Variants in LINGO2 observed in about 807,000 individuals in gnomAD.
LINGO2 encodes leucine rich repeat and Ig domain containing 2.
Under a neutral mutation model 30.6 loss-of-function variants are expected in LINGO2, and 14 were observed. That is an observed-to-expected ratio of 0.46 (90% confidence interval 0.30 to 0.72). The LOEUF (loss-of-function observed/expected upper bound fraction) is 0.72, where lower values mean the gene tolerates loss of function less well. LINGO2 is among the 30% of genes least tolerant of loss of function. The pLI is 0.07. For synonymous variants in LINGO2, 317 were observed against 288.5 expected (o/e 1.10, Z -1.00); for missense variants, 729 against 751.7 (o/e 0.97, Z 0.35).
chr9:27,964,434 C>A (rs2118637249), intron 5 of LINGO2, among the ~76,000 whole-genome samples: 1 of 152,022 alleles, frequency 6.6e-6, no homozygotes, highest in Non-Finnish European at 1.5e-5. Flanking sequence ...TATATGCTGG[C>A]AATTATTATA....
intron 3 of LINGO2, among the ~76,000 whole-genome samples, chr9:28,354,695 G>T (rs935490922): frequency 6.6e-6 from 1 of 152,044 alleles, no homozygotes; most frequent in Non-Finnish European, 1.5e-5. Flanking sequence ...TTGACCAATA[G>T]AAAACAAGTT....
the LINGO2 span, among the ~76,000 whole-genome samples, chr9:29,043,419 T>A: frequency 6.6e-6 from 1 of 151,994 alleles, no homozygotes; most frequent in East Asian, 1.9e-4. Context: ...ATTTTAAGAA[T>A]CTTATAAAAA....
At chr9:28,391,402 G>A (rs1821823502) in intron 2 of LINGO2, among the ~76,000 whole-genome samples, 1 of 152,130 alleles carries the variant, frequency 6.6e-6, no homozygotes, top group Non-Finnish European at 1.5e-5. Flanking sequence ...TATAAACTCA[G>A]GTGTGCTCTT....
At chr9:28,978,119 A>G in the LINGO2 span, among the ~76,000 whole-genome samples, 48 of 152,320 alleles carry the variant, frequency 3.2e-4, no homozygotes, top group Admixed American at 2.3e-3. Context: ...CATTTCCACT[A>G]TATATGTGAA....
intron 3 of LINGO2, among the ~76,000 whole-genome samples, chr9:28,339,418 T>C (rs1370629852): frequency 6.6e-6 from 1 of 152,148 alleles, no homozygotes; most frequent in Non-Finnish European, 1.5e-5. Flanking sequence ...GGACTTACCA[T>C]ATAGATTGTT....
At chr9:28,208,831 C>A (rs1028542677) in intron 4 of LINGO2, among the ~76,000 whole-genome samples, 1 of 152,058 alleles carries the variant, frequency 6.6e-6, no homozygotes, top group East Asian at 1.9e-4. Flanking sequence ...CATGCTTCAT[C>A]TTCTGCAGGC....
At chr9:28,964,910 T>G in the LINGO2 span, among the ~76,000 whole-genome samples, 10 of 152,096 alleles carry the variant, frequency 6.6e-5, no homozygotes, top group Non-Finnish European at 1.0e-4. Context: ...AAATATTTCC[T>G]GTGCAGTTTC....
the LINGO2 span, among the ~76,000 whole-genome samples, chr9:28,901,959 G>GC: frequency 6.6e-6 from 1 of 152,116 alleles, no homozygotes; most frequent in African/African-American, 2.4e-5. Context: ...GGAGGCCAAA[G>GC]CAGGAGGATC....
At chr9:28,298,619 G>A (rs1335747696) in intron 3 of LINGO2, among the ~76,000 whole-genome samples, 1 of 151,276 alleles carries the variant, frequency 6.6e-6, no homozygotes, top group Non-Finnish European at 1.5e-5. Context: ...GGAGGCAGAG[G>A]TTGTGGTGAG....
chr9:29,124,071 C>A, the LINGO2 span, among the ~76,000 whole-genome samples: 1 of 152,048 alleles, frequency 6.6e-6, no homozygotes, highest in Middle Eastern at 3.4e-3. Flanking sequence ...ATATATAGAC[C>A]AATGGAACAC....
At chr9:28,301,472 A>C (rs1038571406) in intron 3 of LINGO2, among the ~76,000 whole-genome samples, 1 of 152,150 alleles carries the variant, frequency 6.6e-6, no homozygotes, top group African/African-American at 2.4e-5. Context: ...GTTGTTGATA[A>C]TGTGGGTTCT....
At chr9:28,542,323 C>T (rs763571595) in intron 1 of LINGO2, among the ~76,000 whole-genome samples, 1 of 151,938 alleles carries the variant, frequency 6.6e-6, no homozygotes, top group African/African-American at 2.4e-5. Context: ...CTCCCTGCAG[C>T]TGGACATCAA....
chr9:29,062,257 C>T, the LINGO2 span, among the ~76,000 whole-genome samples: 23 of 152,006 alleles, frequency 1.5e-4, no homozygotes, highest in African/African-American at 5.3e-4. Context: ...AATGGTACAG[C>T]CATTATGGAA....
At chr9:28,391,966 T>G (rs1480488936) in intron 2 of LINGO2, among the ~76,000 whole-genome samples, 2 of 152,152 alleles carry the variant, frequency 1.3e-5, no homozygotes, top group Non-Finnish European at 2.9e-5. Context: ...CTCAGCACTT[T>G]GGGAGGCCAA....
At chr9:28,944,861 C>T in the LINGO2 span, among the ~76,000 whole-genome samples, 1 of 152,016 alleles carries the variant, frequency 6.6e-6, no homozygotes, top group Non-Finnish European at 1.5e-5. Context: ...TACCTGTGTG[C>T]AGAAGATACC....
the LINGO2 span, among the ~76,000 whole-genome samples, chr9:28,780,478 C>G: frequency 6.6e-6 from 1 of 152,092 alleles, no homozygotes; most frequent in Non-Finnish European, 1.5e-5. Flanking sequence ...CTACTCCCCA[C>G]AACCACAACT....
chr9:28,146,606 T>C (rs1353231310), intron 4 of LINGO2, among the ~76,000 whole-genome samples: 1 of 152,112 alleles, frequency 6.6e-6, no homozygotes, highest in African/African-American at 2.4e-5. Context: ...TCTTTGAATA[T>C]AGATGGTTTC....
the LINGO2 span, among the ~76,000 whole-genome samples, chr9:29,127,109 T>C: frequency 6.6e-6 from 1 of 152,038 alleles, no homozygotes; most frequent in Non-Finnish European, 1.5e-5. Flanking sequence ...TTACATAGGG[T>C]ATAACCAAGT....
intron 5 of LINGO2, among the ~76,000 whole-genome samples, chr9:28,011,046 C>A (rs1822527992): frequency 1.3e-5 from 2 of 152,022 alleles, no homozygotes; most frequent in Non-Finnish European, 2.9e-5. Flanking sequence ...CAATTAGGTA[C>A]AATAACATAT....
Sources: allele counts gnomAD v4.1 joint callset (sites outside exome capture counted in the v4.1 genomes callset), GRCh38; gene constraint gnomAD v4.1.1; transcripts MANE v1.5; gene names NCBI Gene and HGNC (gene_info 2026-07-23, HGNC 2026-07-21).